The following NRXN3 variants were observed in gnomAD, a reference collection of about 807,000 sequenced individuals.
NRXN3 encodes the protein neurexin III.
A neutral mutation model predicts 137.6 loss-of-function variants in NRXN3; 32 were observed. That is an observed-to-expected ratio of 0.23 (90% CI 0.18 to 0.31). The LOEUF (loss-of-function observed/expected upper bound fraction) is 0.31. Ranked by LOEUF, NRXN3 falls within the 10% of genes least tolerant of loss-of-function variation. NRXN3 has a pLI of 1.00. For missense variants in NRXN3, 1,574 were observed against 2,062.5 expected, an observed-to-expected ratio of 0.76 and a Z score of 4.59; for synonymous variants, 798 against 784.5, an observed-to-expected ratio of 1.02 and a Z score of -0.29.
chr14:79,832,688 T>C (rs948981439), intron 20 of NRXN3, among the ~76,000 whole-genome samples: 1 of 152,084 alleles, frequency 6.6e-6, no homozygotes, highest in Admixed American at 6.6e-5. Context: ...AATGTCACTT[T>C]AAAATGTAAA....
At chr14:78,371,393 T>C (rs2086809479) in intron 4 of NRXN3, among the ~76,000 whole-genome samples, 2 of 152,274 alleles carry the variant, frequency 1.3e-5, no homozygotes, top group Non-Finnish European at 1.5e-5. Flanking sequence ...CCACCTCCCC[T>C]TCTGCTGAGA....
chr14:79,117,377 A>G (rs1197772981), intron 15 of NRXN3, among the ~76,000 whole-genome samples: 1 of 152,212 alleles, frequency 6.6e-6, no homozygotes, highest in African/African-American at 2.4e-5. Flanking sequence ...AAGTAATTGC[A>G]AAAATAGGAG....
At chr14:79,195,352 T>A (rs769148591) in intron 15 of NRXN3, among the ~76,000 whole-genome samples, 50 of 152,186 alleles carry the variant, frequency 3.3e-4, no homozygotes, top group Non-Finnish European at 6.3e-4. Flanking sequence ...TTTAGCATCA[T>A]GAGAAACCTG....
At chr14:78,432,103 A>G (rs1392870382) in intron 4 of NRXN3, among the ~76,000 whole-genome samples, 1 of 152,138 alleles carries the variant, frequency 6.6e-6, no homozygotes, top group Non-Finnish European at 1.5e-5. Context: ...GTGAGTCTGA[A>G]GCTTGAAGAT....
Position 78,725,429 on chromosome 14 carries a change from C to T in NRXN3, c.2044+10290C>T, listed in dbSNP as rs560300011. Among the ~76,000 whole-genome samples the T allele has an allele frequency of 5.3e-5, 8 of 152,372 alleles. No individual in the cohort carries two copies. In the South Asian group the frequency reaches 1.7e-3, roughly 32 times the overall value. ...GCAGCTGATTCCTAATGTCATCATT[C>T]CTGTAGTAGCTCACTGTTGCTCAGC... On this transcript the variant is annotated intron_variant, in intron 8 of 20. Coordinates refer to ENST00000335750, the MANE Select transcript of NRXN3 (RefSeq NM_001330195.2).
chr14:78,933,177 C>G (rs2099327044), intron 10 of NRXN3, among the ~76,000 whole-genome samples: 1 of 152,206 alleles, frequency 6.6e-6, no homozygotes, highest in African/African-American at 2.4e-5. Flanking sequence ...AGGGCAGGAG[C>G]AATGTCATCC....
intron 12 of NRXN3, among the ~76,000 whole-genome samples, chr14:78,966,695 C>G (rs2099417980): frequency 6.6e-6 from 1 of 152,176 alleles, no homozygotes; most frequent in Non-Finnish European, 1.5e-5. Context: ...CAAAAGAGGG[C>G]TATGATTTGT....
intron 16 of NRXN3, among the ~76,000 whole-genome samples, chr14:79,471,757 G>T (rs569734837): frequency 5.3e-5 from 8 of 152,262 alleles, no homozygotes; most frequent in African/African-American, 1.7e-4. Flanking sequence ...GAAGGCATTT[G>T]TGTCCTAGAT....
At position 79,343,636 on chromosome 14, in the gene NRXN3, C is replaced by T. The variant is rs543249491; in HGVS notation, c.3263-123585C>T. Among the ~76,000 whole-genome samples, 8 of 152,260 alleles carry T rather than the reference C, an allele frequency of 5.3e-5. 1 individual carries two copies. In the South Asian group the frequency reaches 1.7e-3, roughly 32 times the overall value. The stretch of plus-strand genomic sequence containing the variant: ...GTACCTCTCAAATGTTGGCCAACAA[C>T]TCTGGGGCCAACTGCTTTCCCTTTC... On this transcript the variant is annotated intron_variant, in intron 15 of 20. Coordinates refer to ENST00000335750, the MANE Select transcript of NRXN3 (RefSeq NM_001330195.2).
chr14:78,655,652 A>T (rs2152653635), intron 6 of NRXN3, among the ~76,000 whole-genome samples: 1 of 150,562 alleles, frequency 6.6e-6, no homozygotes, highest in East Asian at 1.9e-4. Flanking sequence ...CCCTGACATT[A>T]AAAAAAATGC....
At chr14:78,409,438 A>T (rs561328032) in intron 4 of NRXN3, among the ~76,000 whole-genome samples, 1 of 152,380 alleles carries the variant, frequency 6.6e-6, no homozygotes, top group African/African-American at 2.4e-5. Flanking sequence ...AGTAAGGGAG[A>T]TACATGTACA....
intron 20 of NRXN3, among the ~76,000 whole-genome samples, chr14:79,813,940 G>C (rs1466388933): frequency 6.6e-6 from 1 of 152,178 alleles, no homozygotes. Flanking sequence ...AATATTTGTT[G>C]TATCTTTTAT....
chr14:79,460,499 C>T (rs1299562799), intron 15 of NRXN3, among the ~76,000 whole-genome samples: 1 of 152,146 alleles, frequency 6.6e-6, no homozygotes, highest in Admixed American at 6.5e-5. Flanking sequence ...AAGGGTCTCA[C>T]TCTGCACACC....
intron 16 of NRXN3, among the ~76,000 whole-genome samples, chr14:79,548,901 T>C (rs1177876610): frequency 6.6e-6 from 1 of 152,152 alleles, no homozygotes; most frequent in East Asian, 1.9e-4. Flanking sequence ...ATGGACCATT[T>C]TGGAGACTTT....
At chr14:79,183,796 C>G (rs560368348) in intron 15 of NRXN3, among the ~76,000 whole-genome samples, 2 of 152,158 alleles carry the variant, frequency 1.3e-5, no homozygotes, top group Non-Finnish European at 2.9e-5. Flanking sequence ...TCATAAAAGT[C>G]GAAAGGATTC....
intron 15 of NRXN3, among the ~76,000 whole-genome samples, chr14:79,391,394 T>G (rs986429999): frequency 6.6e-6 from 1 of 152,194 alleles, no homozygotes; most frequent in Non-Finnish European, 1.5e-5. Context: ...TTGGACAGCC[T>G]GTTAGGCCTT....
At chr14:78,557,440 CT>C (rs2096749565) in intron 4 of NRXN3, among the ~76,000 whole-genome samples, 2 of 152,148 alleles carry the variant, frequency 1.3e-5, no homozygotes. Context: ...AGCATAGTAA[CT>C]CTAACATTAA....
intron 16 of NRXN3, among the ~76,000 whole-genome samples, chr14:79,609,933 C>T (rs1439471214): frequency 6.6e-6 from 1 of 151,748 alleles, no homozygotes; most frequent in Non-Finnish European, 1.5e-5. Context: ...GAACATCACA[C>T]ACTGGGGCCT....
At chr14:78,751,886 A>G (rs953639174) in intron 8 of NRXN3, among the ~76,000 whole-genome samples, 3 of 152,204 alleles carry the variant, frequency 2.0e-5, no homozygotes, top group African/African-American at 7.2e-5. Context: ...TAAGACCTCC[A>G]GGTGATTCAT....
Sources: allele counts gnomAD v4.1 joint callset (sites outside exome capture counted in the v4.1 genomes callset), GRCh38; gene constraint gnomAD v4.1.1; transcripts MANE v1.5; gene names NCBI Gene and HGNC (gene_info 2026-07-23, HGNC 2026-07-21).